Variants in TRRAP observed in about 807,000 individuals in gnomAD.
TRRAP encodes transformation/transcription domain associated protein.
A neutral mutation model predicts 438.8 loss-of-function variants in TRRAP; 41 were observed. The observed-to-expected ratio is 0.09, with a 90% CI of 0.07 to 0.12. TRRAP has a LOEUF of 0.12. Ranked by LOEUF, TRRAP falls within the 10% of genes least tolerant of loss-of-function variation. TRRAP has a pLI of 1.00. For synonymous variants in TRRAP, 1,994 were observed against 1,962.9 expected, an observed-to-expected ratio of 1.02 and a Z score of -0.42; for missense variants, 3,122 against 5,055.1, an observed-to-expected ratio of 0.62 and a Z score of 11.60.
chr7:98,892,665 T>G lies in TRRAP; in HGVS notation c.366+137T>G, dbSNP rs528227009. The stretch of plus-strand genomic sequence containing the variant: ...AAGTCACATGAGTAAAAATTTTTCT[T>G]AATGTCCCTTTTCCCCCATTTCCTC... On this transcript the variant is annotated intron_variant, in intron 5 of 72. Coordinates refer to ENST00000456197, the MANE Select transcript of TRRAP (RefSeq NM_001375524.1). 1.4e-4 allele frequency: 92 copies of G among 666,100 alleles called. 1 individual carries two copies. Among genetic ancestry groups the G allele is most frequent in the South Asian group, 7.2e-4 (35 of 48,482 alleles). 41.3% of individuals were successfully genotyped at this position (666,100 alleles called of 1,614,324 possible).
intron 4 of TRRAP, among the ~76,000 whole-genome samples, chr7:98,891,192 C>CATGT (rs1554404794): frequency 1.5e-5 from 1 of 66,878 alleles, no homozygotes; most frequent in Non-Finnish European, 2.8e-5. Flanking sequence ...AGAAATAGTC[C>CATGT]ATATATATAT....
At chr7:98,961,018 A>G (rs1374032964) in intron 45 of TRRAP, among the ~76,000 whole-genome samples, 1 of 152,208 alleles carries the variant, frequency 6.6e-6, no homozygotes, top group Non-Finnish European at 1.5e-5. Flanking sequence ...AAATATTAAT[A>G]TTGTTTATTA....
At chr7:98,893,745 G>T in intron 5 of TRRAP, 53 bp from the exon 6 acceptor site, 1 of 1,506,704 alleles carries the variant, frequency 6.6e-7, no homozygotes, top group Non-Finnish European at 9.2e-7. Flanking sequence ...GAGAAAATTA[G>T]CCTTTAAAGT....
chr7:98,990,336 A>C (rs1397586478), intron 63 of TRRAP, 119 bp from the exon 64 acceptor site: 1 of 1,023,594 alleles, frequency 9.8e-7, no homozygotes, highest in Non-Finnish European at 1.4e-6. Context: ...GCTTATAGAT[A>C]CTTTTTTTAC....
At chr7:98,955,045 A>C (rs1554419230) in intron 40 of TRRAP, 53 bp from the exon 41 acceptor site, 7 of 1,552,066 alleles carry the variant, frequency 4.5e-6, no homozygotes, top group African/African-American at 2.7e-5. Context: ...TTGTCTTCTT[A>C]TTTCTTAAAG....
intron 49 of TRRAP, among the ~76,000 whole-genome samples, chr7:98,966,773 A>G (rs1295159220): frequency 6.6e-6 from 1 of 152,228 alleles, no homozygotes; most frequent in Non-Finnish European, 1.5e-5. Context: ...AAAAGTAATA[A>G]TAGAGACTAT....
At chr7:98,911,928 G>T in intron 17 of TRRAP, 94 bp from the exon 18 acceptor site, 4 of 1,142,676 alleles carry the variant, frequency 3.5e-6, no homozygotes, top group Non-Finnish European at 5.0e-6. Context: ...TGTGATACAG[G>T]CTTGGTTTTA....
chr7:98,958,514 G>A (rs1388364202), intron 44 of TRRAP, among the ~76,000 whole-genome samples: 1 of 152,114 alleles, frequency 6.6e-6, no homozygotes, highest in Non-Finnish European at 1.5e-5. Context: ...TGGCCAGGCT[G>A]GTCTCGAGCT....
In TRRAP at chr7:98,910,345, G is replaced by A. The variant is rs782697373; in HGVS notation, c.1640G>A (p.Arg547Gln). ...DKQTFQVTDCRSLVKTLVCGV... is the reference protein window; with the variant it reads ...DKQTFQVTDCQSLVKTLVCGV... ...CAGACATTCCAAGTCACAGACTGTC[G>A]AAGTTTGGTCAAAACCTTGGTGTGT... Residue 547 changes from arginine to glutamine, a missense_variant, in exon 15 of 73, where the codon CGA becomes CAA. Arg to Gln is a conservative substitution (Grantham distance 43). Transcript: ENST00000456197. 5 of 1,610,786 alleles carry A rather than the reference G, an allele frequency of 3.1e-6. No homozygotes were observed. The highest frequency in any genetic ancestry group is 2.2e-5 in the South Asian group (2 of 90,954).
chr7:98,964,464 GTT>G (rs1209156823), intron 47 of TRRAP, among the ~76,000 whole-genome samples, 163 bp from the exon 48 acceptor site: 1 of 152,206 alleles, frequency 6.6e-6, no homozygotes, highest in Non-Finnish European at 1.5e-5. Flanking sequence ...GAAATACAGT[GTT>G]TCATTCAGAA....
chr7:98,947,448 GT>G (rs563855610), intron 33 of TRRAP, among the ~76,000 whole-genome samples: 58 of 148,730 alleles, frequency 3.9e-4, no homozygotes, highest in Non-Finnish European at 7.3e-4. Context: ...TGTTTGTGTG[GT>G]TTTTTTTTTC....
chr7:98,914,757 A>G (rs1299072080), intron 18 of TRRAP, among the ~76,000 whole-genome samples: 15 of 150,596 alleles, frequency 1.0e-4, no homozygotes, highest in Non-Finnish European at 1.5e-5. Context: ...AGACAGAAAA[A>G]GAATGTTGGA....
chr7:98,962,952 A>C (rs1240909001), intron 47 of TRRAP, among the ~76,000 whole-genome samples: 1 of 152,192 alleles, frequency 6.6e-6, no homozygotes, highest in Non-Finnish European at 1.5e-5. Context: ...TGGCAGACAC[A>C]TGTCTTTGAT....
At chr7:98,955,902 A>T (rs1554419557) in intron 41 of TRRAP, among the ~76,000 whole-genome samples, 1 of 151,886 alleles carries the variant, frequency 6.6e-6, no homozygotes, top group East Asian at 1.9e-4. Flanking sequence ...ACTGAAGTAT[A>T]CTATTGTAAT....
At chr7:98,944,026 A>AT (rs1790925322) in intron 31 of TRRAP, among the ~76,000 whole-genome samples, 1 of 152,174 alleles carries the variant, frequency 6.6e-6, no homozygotes, top group Admixed American at 6.5e-5. Context: ...CTAAACCAGG[A>AT]TTTTTTTAAA....
At position 99,012,152 on chromosome 7, in the gene TRRAP, C is replaced by T; in HGVS notation, c.11419C>T (p.Leu3807Phe). 1 of 1,614,254 alleles carries T rather than the reference C, an allele frequency of 6.2e-7. No individual in the cohort carries two copies. The highest frequency in any genetic ancestry group is 8.5e-7 in the Non-Finnish European group (1 of 1,180,054). ...KKTQEDTSSP[L>F]SAAGQPENMD... Reference sequence around the variant, plus strand: ...AACACAAGAGGACACGTCCTCTCCTCTCTCGGCCGCCGGGCAGCCAGAGAA... The same window carrying T: ...AACACAAGAGGACACGTCCTCTCCTTTCTCGGCCGCCGGGCAGCCAGAGAA... Residue 3807 changes from leucine to phenylalanine, a missense_variant, in exon 73 of 73, where the codon CTC becomes TTC. Coordinates refer to ENST00000456197, the MANE Select transcript of TRRAP (RefSeq NM_001375524.1). The surrounding 1 kb of genome is among the most constrained non-coding windows in gnomAD (Gnocchi z 5.9).
intron 63 of TRRAP, among the ~76,000 whole-genome samples, chr7:98,989,320 G>C (rs573305554): frequency 1.3e-5 from 2 of 152,112 alleles, no homozygotes; most frequent in East Asian, 3.9e-4. Context: ...CTGCAGGGCT[G>C]TTGTCAGCAC....
At chr7:98,937,850 A>G in intron 30 of TRRAP, 30 bp downstream of exon 30, 1 of 1,575,558 alleles carries the variant, frequency 6.3e-7, no homozygotes, top group Non-Finnish European at 8.6e-7. Flanking sequence ...ACGCTCTGTA[A>G]CAAACTTTCA....
Position 99,009,905 on chromosome 7 carries a change from T to A in TRRAP, c.10939-1147T>A, listed in dbSNP as rs866754651. ...CTTTTTTTTTTTTTTTTTTTTTTTT[T>A]AGATAGAGTTTCGCTGTTGTTGCCC... On this transcript the variant is annotated intron_variant, in intron 70 of 72. Transcript: ENST00000456197. Among the ~76,000 whole-genome samples, 1,125 of 129,358 alleles carry A rather than the reference T, an allele frequency of 8.7e-3. 23 individuals carry two copies. The highest frequency in any genetic ancestry group is 0.04 in the African/African-American group (1,085 of 26,936). 84.9% of individuals were successfully genotyped at this position (129,358 alleles called of 152,430 possible).
Sources: gnomAD v4.1 joint callset for allele counts (sites outside exome capture counted in the v4.1 genomes callset) on GRCh38, gnomAD v4.1.1 for gene constraint, Gnocchi (gnomAD v3.1) non-coding constraint, MANE v1.5 for transcripts, NCBI Gene and HGNC (gene_info 2026-07-23, HGNC 2026-07-21) for gene names.